Variants in CUZD1 observed in about 807,000 individuals in gnomAD.
CUZD1 encodes CUB and zona pellucida like domains 1, also known as CUB and zona pellucida-like domain-containing protein 1.
In CUZD1, 42 loss-of-function variants were observed where a neutral mutation model predicts 53.1. The observed-to-expected ratio is 0.79, with a 90% CI of 0.62 to 1.02. The LOEUF (loss-of-function observed/expected upper bound fraction) is 1.02, where lower values mean the gene tolerates loss of function less well. Among genes scored for constraint, CUZD1 ranks in the 50% least tolerant of loss-of-function variants. The pLI is 0.00. For missense variants in CUZD1, 670 were observed against 715.7 expected (o/e 0.94, Z 0.73); for synonymous variants, 238 against 257.2 (o/e 0.93, Z 0.71).
Position 122,845,745 on chromosome 10 carries a change from T to C in CUZD1, c.82+17A>G, listed in dbSNP as rs935249854. 3.1e-6 allele frequency: 5 copies of C among 1,610,562 alleles called. No individual in the cohort carries two copies. The African/African-American group carries it at 6.7e-5, about 22-fold the overall frequency. On this transcript the variant is annotated intron_variant, in intron 1 of 8. Coordinates refer to ENST00000392790, the MANE Select transcript of CUZD1 (RefSeq NM_022034.6). ...ACTTCTCTGTTTTGGTGAATAAATC[T>C]GGTTCAATTTTCTTACCTTCAGCCT...
chr10:122,844,852 T>G (rs1183822321), intron 1 of CUZD1, among the ~76,000 whole-genome samples: 1 of 152,132 alleles, frequency 6.6e-6, no homozygotes, highest in Admixed American at 6.5e-5. Context: ...AGCTTTATTT[T>G]TATTTATTCT....
chr10:122,835,042 G>A lies in CUZD1; in HGVS notation c.1046C>T (p.Thr349Ile), dbSNP rs773578981. The A allele has an allele frequency of 7.5e-6, 12 of 1,610,568 alleles. No homozygotes were observed. The highest frequency in any genetic ancestry group is 6.7e-5 in the Admixed American group (4 of 59,624). The change falls in exon 7 of 9, where the codon ACT (threonine) becomes ATT (isoleucine). Residue 349 changes from threonine to isoleucine, a missense_variant. Thr to Ile is a moderately conservative substitution (Grantham distance 89). Transcript: ENST00000392790. ...TTTCTGACGGGTGATCACTTCAGAA[G>A]TTGAGGATGCAGAAAAGGTGATTAT... ...TNIITFSASSTSEVITRQKQL... is the reference protein window; with the variant it reads ...TNIITFSASSISEVITRQKQL...
At position 122,836,206 on chromosome 10, in the gene CUZD1, G is replaced by A. The variant is rs1229654921; in HGVS notation, c.962C>T (p.Pro321Leu). Residue 321 changes from proline (P) to leucine (L), a missense_variant, in exon 6 of 9, where the codon CCT becomes CTT. Coordinates refer to ENST00000392790, the MANE Select transcript of CUZD1 (RefSeq NM_022034.6). The part of the protein sequence containing the change: ...KLSNVVEFSV[P>L]LNGCGTIRKV... ...TCTGATTGTACCACATCCATTAAGA[G>A]GGACAGAAAATTCCACAACATTTGA... is the stretch of plus-strand genomic sequence containing the variant. The A allele has an allele frequency of 4.4e-6, 7 of 1,607,314 alleles. No homozygotes were observed. The Admixed American group carries it at 6.9e-5, about 16-fold the overall frequency.
intron 7 of CUZD1, 120 bp from the exon 8 acceptor site, chr10:122,834,060 A>G (rs1293370221): frequency 1.3e-6 from 1 of 796,180 alleles, no homozygotes. Flanking sequence ...GACTGTCTCT[A>G]GTTCACACTA....
Position 122,832,384 on chromosome 10 carries a change from G to C in CUZD1, c.1718C>G (p.Ser573Cys). The C allele has an allele frequency of 3.7e-6, 6 of 1,614,112 alleles. No homozygotes were observed. Among genetic ancestry groups the C allele is most frequent in the Non-Finnish European group, 5.1e-6 (6 of 1,179,986 alleles). The change falls in exon 9 of 9, where the codon TCC (serine) becomes TGC (cysteine). Residue 573 changes from serine to cysteine, a missense_variant. Transcript: ENST00000392790. Reference protein sequence around the residue: ...NQPFNSVHLFSFMVLALNVVT... With the variant: ...NQPFNSVHLFCFMVLALNVVT... The stretch of plus-strand genomic sequence containing the variant: ...CACATTCAGAGCTAGAACCATGAAG[G>C]AAAACAGATGCACACTGTTGAAAGG...
intron 7 of CUZD1, among the ~76,000 whole-genome samples, 176 bp downstream of exon 7, chr10:122,834,530 A>C (rs1847214205): frequency 6.6e-6 from 1 of 152,212 alleles, no homozygotes; most frequent in South Asian, 2.1e-4. Context: ...TTTAAATTTA[A>C]ATTATTCATA....
chr10:122,841,354 AG>A (rs1847344155), intron 1 of CUZD1, 26 bp from the exon 2 acceptor site: 1 of 1,572,638 alleles, frequency 6.4e-7, no homozygotes, highest in Non-Finnish European at 8.6e-7. Context: ...GATGGCACTC[AG>A]GAAAGTCAAC....
rs372686495 is a variant in CUZD1, at chr10:122,832,327, A to G, written c.1775T>C (p.Phe592Ser). The change falls in exon 9 of 9, where the codon TTT (phenylalanine) becomes TCT (serine). Residue 592 changes from phenylalanine (F) to serine (S), a missense_variant. Transcript: ENST00000392790. ...TTTGTAGTCTGCCCGTTGATTTACA[A>G]AATGCCTCACTGTGATTGTCGCTAC... ...VTVATITVRH[F>S]VNQRADYKYQ... The G allele has an allele frequency of 1.4e-5, 23 of 1,614,034 alleles. No homozygotes were observed. The African/African-American group carries it at 3.1e-4, about 22-fold the overall frequency.
chr10:122,832,474 A>G lies in CUZD1; in HGVS notation c.1652-24T>C, dbSNP rs1246879441. ...TCCTAAAATTGGAAACAAGATGAAA[A>G]TCACTTTTTAAGAAGTGTTCACATT... On this transcript the variant is annotated intron_variant, in intron 8 of 8. Coordinates refer to ENST00000392790, the MANE Select transcript of CUZD1 (RefSeq NM_022034.6). The G allele has an allele frequency of 3.7e-6, 6 of 1,610,686 alleles. No individual in the cohort carries two copies. In the African/African-American group the frequency reaches 6.7e-5, roughly 18 times the overall value.
At chr10:122,845,705 C>T (rs1189462029) in intron 1 of CUZD1, 57 bp downstream of exon 1, 2 of 1,481,668 alleles carry the variant, frequency 1.3e-6, no homozygotes, top group African/African-American at 2.8e-5. Flanking sequence ...TTGAAAGAGG[C>T]CTCTTAAGAG....
chr10:122,837,357 G>A (rs755314100), intron 4 of CUZD1, 47 bp downstream of exon 4: 3 of 1,602,000 alleles, frequency 1.9e-6, no homozygotes, highest in Admixed American at 3.4e-5. Context: ...CAGTTGCCAG[G>A]TGGGTTTACT....
In CUZD1 at chr10:122,838,880, G is replaced by C. The variant is rs993412836; in HGVS notation, c.448+137C>G. On this transcript the variant is annotated intron_variant, in intron 3 of 8. Transcript: ENST00000392790. ...ATGATTCTTATGCACATGTAAGTTA[G>C]AGAACTACTGCTCTCTCAGATAGAG... 1.6e-4 allele frequency: 108 copies of C among 660,472 alleles called. 1 individual carries two copies. The highest frequency in any genetic ancestry group is 2.6e-4 in the Non-Finnish European group (99 of 375,356). 40.9% of individuals were successfully genotyped at this position (660,472 alleles called of 1,614,324 possible). A position where few individuals can be genotyped will look rare whatever the true frequency, so the allele number is the denominator to read the frequency against.
At chr10:122,836,501 T>A in intron 5 of CUZD1, 151 bp from the exon 6 acceptor site, 1 of 685,824 alleles carries the variant, frequency 1.5e-6, no homozygotes, top group Non-Finnish European at 2.3e-6. Flanking sequence ...GCCAAGCAAT[T>A]GATTCACCTT....
At chr10:122,833,641 CT>C in intron 8 of CUZD1, 30 bp downstream of exon 8, 1 of 1,602,454 alleles carries the variant, frequency 6.2e-7, no homozygotes. Flanking sequence ...CCATGATGTG[CT>C]TTTGGATCAT....
intron 1 of CUZD1, among the ~76,000 whole-genome samples, chr10:122,843,377 G>A (rs1847374252): frequency 1.3e-5 from 2 of 152,160 alleles, no homozygotes; most frequent in African/African-American, 2.4e-5. Context: ...GTGTTTGCAT[G>A]TGACCTACAC....
intron 7 of CUZD1, among the ~76,000 whole-genome samples, chr10:122,834,429 G>A (rs560329704): frequency 2.5e-4 from 38 of 152,036 alleles, no homozygotes; most frequent in Admixed American, 7.9e-4. Context: ...CGCAAATAGA[G>A]CTTTTATAAC....
At chr10:122,836,804 T>C (rs1285717597) in intron 5 of CUZD1, 27 bp downstream of exon 5, 5 of 1,560,394 alleles carry the variant, frequency 3.2e-6, no homozygotes, top group Non-Finnish European at 4.4e-6. Flanking sequence ...GAGCTCAAAA[T>C]AGCTAAGAAT....
intron 1 of CUZD1, among the ~76,000 whole-genome samples, chr10:122,843,939 T>C (rs1847388524): frequency 6.8e-6 from 1 of 147,874 alleles, no homozygotes; most frequent in African/African-American, 2.5e-5. Flanking sequence ...CATTGGTCTA[T>C]ATATAGAGAC....
At chr10:122,841,103 CAG>C in intron 2 of CUZD1, 73 bp downstream of exon 2, 6 of 1,387,914 alleles carry the variant, frequency 4.3e-6, no homozygotes, top group Non-Finnish European at 5.9e-6. Flanking sequence ...ATTCTTTCTA[CAG>C]AGAGTCCCCC....
Sources: allele counts gnomAD v4.1 joint callset (sites outside exome capture counted in the v4.1 genomes callset), GRCh38; gene constraint gnomAD v4.1.1; transcripts MANE v1.5; gene names NCBI Gene and HGNC (gene_info 2026-07-23, HGNC 2026-07-21).